The following STAG1 variants were observed in gnomAD, a reference collection of about 807,000 sequenced individuals.
STAG1 encodes cohesin subunit SA-1.
Under a neutral mutation model 170.9 loss-of-function variants are expected in STAG1, and 26 were observed. That is an observed-to-expected ratio of 0.15 (90% CI 0.11 to 0.21). STAG1 has a LOEUF of 0.21. STAG1 is among the 10% of genes least tolerant of loss of function. The pLI, the probability that STAG1 is intolerant of heterozygous loss-of-function variation, is 1.00. For missense variants in STAG1, 964 were observed against 1,509.5 expected (o/e 0.64, Z 5.99); for synonymous variants, 514 against 497.7 (o/e 1.03, Z -0.44).
At chr3:136,530,072 T>G (rs1175744530) in intron 6 of STAG1, among the ~76,000 whole-genome samples, 2 of 152,002 alleles carry the variant, frequency 1.3e-5, no homozygotes, top group Non-Finnish European at 2.9e-5. Context: ...AAATGAAAAG[T>G]GAGCAAGAAC....
chr3:136,719,239 T>C (rs1007401058), intron 1 of STAG1, among the ~76,000 whole-genome samples: 2 of 152,094 alleles, frequency 1.3e-5, no homozygotes, highest in Admixed American at 6.6e-5. Flanking sequence ...CTCAAAAACA[T>C]TGCTAAATAA....
In STAG1 at chr3:136,650,112, T is replaced by C. The variant is rs149204110; in HGVS notation, c.-83-19131A>G. Among the ~76,000 whole-genome samples the C allele has an allele frequency of 7.2e-4, 109 of 152,036 alleles. No individual in the cohort carries two copies. The East Asian group carries it at 0.018, about 25-fold the overall frequency. Reference sequence around the variant, plus strand: ...TTAGTTAGGCAAGGTGGCATGTGCCTGTAGCCCCGGCTACTCTGGAGGCTG... The same window carrying C: ...TTAGTTAGGCAAGGTGGCATGTGCCCGTAGCCCCGGCTACTCTGGAGGCTG... On this transcript the variant is annotated intron_variant, in intron 1 of 33. Transcript: ENST00000383202.
At chr3:136,418,677 C>T (rs1283319568) in intron 20 of STAG1, among the ~76,000 whole-genome samples, 3 of 151,452 alleles carry the variant, frequency 2.0e-5, no homozygotes, top group East Asian at 1.9e-4. Flanking sequence ...GGTCTCGCTC[C>T]GTCGCCCAGG....
intron 1 of STAG1, among the ~76,000 whole-genome samples, chr3:136,743,823 A>C (rs986346330): frequency 2.0e-5 from 3 of 152,234 alleles, no homozygotes; most frequent in Non-Finnish European, 2.9e-5. Context: ...AAATAGGCCA[A>C]AAATCCTATC....
Position 136,465,293 on chromosome 3 carries a change from C to G in STAG1, c.1206-305G>C, listed in dbSNP as rs142011033. On this transcript the variant is annotated intron_variant, in intron 12 of 33. Transcript: ENST00000383202. Reference sequence around the variant, plus strand: ...GGAGTACAACACCATGATCTTGGCTCACTGCAACCTCTGCCTCCCGGGTTC... The same window carrying G: ...GGAGTACAACACCATGATCTTGGCTGACTGCAACCTCTGCCTCCCGGGTTC... Among the ~76,000 whole-genome samples, 146 of 144,690 alleles carry G rather than the reference C, an allele frequency of 1.0e-3. 1 individual carries two copies. The highest frequency in any genetic ancestry group is 3.6e-3 in the African/African-American group (143 of 39,358). The allele number at this position is 144,690 out of a possible 152,430, so 94.9% of individuals were successfully genotyped here.
At chr3:136,487,352 A>G (rs539674644) in intron 9 of STAG1, among the ~76,000 whole-genome samples, 1 of 152,280 alleles carries the variant, frequency 6.6e-6, no homozygotes, top group South Asian at 2.1e-4. Flanking sequence ...GAGTGTATGT[A>G]CCACATTTGC....
intron 2 of STAG1, among the ~76,000 whole-genome samples, chr3:136,627,263 A>T (rs1259917506): frequency 2.0e-5 from 3 of 152,218 alleles, no homozygotes; most frequent in African/African-American, 7.2e-5. Flanking sequence ...TTTGAAAAAG[A>T]AAATTTCGAG....
At chr3:136,372,895 A>G (rs910378027) in intron 23 of STAG1, among the ~76,000 whole-genome samples, 22 of 152,112 alleles carry the variant, frequency 1.4e-4, no homozygotes, top group South Asian at 6.2e-4. Context: ...CTCTTTTTCT[A>G]TTGATTGGAA....
intron 5 of STAG1, among the ~76,000 whole-genome samples, chr3:136,549,928 G>A (rs576870765): frequency 3.6e-4 from 55 of 152,222 alleles, no homozygotes; most frequent in African/African-American, 1.1e-3. Context: ...CTACTGAGAT[G>A]ACCAAGTGAT....
intron 6 of STAG1, among the ~76,000 whole-genome samples, chr3:136,540,833 A>AAAAAAAAAAAAAAAAC: frequency 1.4e-5 from 2 of 144,198 alleles, no homozygotes; most frequent in Non-Finnish European, 3.0e-5. Flanking sequence ...AAAAAAAAAA[A>AAAAAAAAAAAAAAAAC]AAAAAAAAAA....
At chr3:136,446,056 G>A (rs2088768312) in intron 14 of STAG1, among the ~76,000 whole-genome samples, 2 of 152,004 alleles carry the variant, frequency 1.3e-5, no homozygotes, top group Admixed American at 1.3e-4. Context: ...ATGTTTTCTT[G>A]ATTACTTTAT....
rs576438732 is a variant in STAG1, at chr3:136,339,121, A to AGAC, written c.3673-674_3673-672dup. On this transcript the variant is annotated intron_variant, in intron 32 of 33. Transcript: ENST00000383202. ...GTTGGGGCCCTGATAAGAAGAGGAGAGACACATATAGGAAAGACCATCTAA... is the reference window on the plus strand; with the variant it reads ...GTTGGGGCCCTGATAAGAAGAGGAGAGACGACACATATAGGAAAGACCATCTAA... Among the ~76,000 whole-genome samples, 9 of 152,282 alleles carry AGAC rather than the reference A, an allele frequency of 5.9e-5. No homozygotes were observed. In the East Asian group the frequency reaches 1.7e-3, roughly 29 times the overall value.
chr3:136,462,750 G>C (rs1222062758), intron 13 of STAG1, among the ~76,000 whole-genome samples: 1 of 152,010 alleles, frequency 6.6e-6, no homozygotes, highest in East Asian at 1.9e-4. Flanking sequence ...TTACACATTA[G>C]GTGCATGCAT....
intron 1 of STAG1, among the ~76,000 whole-genome samples, chr3:136,668,341 A>G (rs909129150): frequency 4.1e-5 from 6 of 146,640 alleles, no homozygotes; most frequent in Non-Finnish European, 7.5e-5. Context: ...TATATACCAT[A>G]TATTATACAT....
At chr3:136,446,678 C>T (rs2088789725) in intron 14 of STAG1, among the ~76,000 whole-genome samples, 2 of 152,064 alleles carry the variant, frequency 1.3e-5, no homozygotes, top group Non-Finnish European at 2.9e-5. Flanking sequence ...CCGCCTCATC[C>T]TCCCAAAGTG....
intron 1 of STAG1, among the ~76,000 whole-genome samples, chr3:136,631,596 T>TA (rs1940330527): frequency 6.6e-6 from 1 of 152,174 alleles, no homozygotes; most frequent in Non-Finnish European, 1.5e-5. Flanking sequence ...GATCAGCTGA[T>TA]AAAAAATGTT....
intron 1 of STAG1, among the ~76,000 whole-genome samples, chr3:136,728,055 A>C (rs1464521667): frequency 6.6e-6 from 1 of 152,082 alleles, no homozygotes; most frequent in African/African-American, 2.4e-5. Context: ...GTTACTCGGG[A>C]GGCTGAGACA....
In STAG1 at chr3:136,731,316, G is replaced by C. The variant is rs901004156; in HGVS notation, c.-84+20879C>G. On this transcript the variant is annotated intron_variant, in intron 1 of 33. Transcript: ENST00000383202. ...GGGTGGATATTTGCTGGAATACACAGGTTCTTTTGTAAGAATTAGAAAAAG... is the reference window on the plus strand; with the variant it reads ...GGGTGGATATTTGCTGGAATACACACGTTCTTTTGTAAGAATTAGAAAAAG... Among the ~76,000 whole-genome samples the C allele has an allele frequency of 2.9e-4, 44 of 151,798 alleles. 1 individual carries two copies. The highest frequency in any genetic ancestry group is 1.0e-3 in the African/African-American group (43 of 41,388).
At chr3:136,466,126 A>C (rs2089451492) in intron 12 of STAG1, among the ~76,000 whole-genome samples, 1 of 152,228 alleles carries the variant, frequency 6.6e-6, no homozygotes, top group Non-Finnish European at 1.5e-5. Flanking sequence ...AGAGCTCCTC[A>C]CCAGCAACAG....
Sources: gnomAD v4.1 joint callset for allele counts (sites outside exome capture counted in the v4.1 genomes callset) on GRCh38, gnomAD v4.1.1 for gene constraint, MANE v1.5 for transcripts, NCBI Gene and HGNC (gene_info 2026-07-23, HGNC 2026-07-21) for gene names.